The following BRINP3 variants were observed in gnomAD, a reference collection of about 807,000 sequenced individuals.
BRINP3 encodes the protein BMP/retinoic acid inducible neural specific 3, also known as BMP/retinoic acid-inducible neural-specific protein 3.
A neutral mutation model predicts 71.0 loss-of-function variants in BRINP3; 19 were observed. The observed-to-expected ratio is 0.27, with a 90% CI of 0.19 to 0.39. BRINP3 has a LOEUF of 0.39. BRINP3 is among the 10% of genes least tolerant of loss of function. BRINP3 has a pLI of 1.00. For missense variants in BRINP3, 959 were observed against 940.8 expected (o/e 1.02, Z -0.25); for synonymous variants, 380 against 337.7 (o/e 1.13, Z -1.37).
chr1:190,107,053 C>T (rs1312358813), intron 7 of BRINP3, among the ~76,000 whole-genome samples: 1 of 151,812 alleles, frequency 6.6e-6, no homozygotes, highest in Non-Finnish European at 1.5e-5. Context: ...CTTTGTGTCA[C>T]AATTAAAGCA....
chr1:190,352,113 G>C (rs1268009729), intron 2 of BRINP3, among the ~76,000 whole-genome samples: 1 of 151,656 alleles, frequency 6.6e-6, no homozygotes, highest in Non-Finnish European at 1.5e-5. Context: ...TATCAGACTA[G>C]TAATTTAAAA....
chr1:190,334,513 T>A (rs963559447), intron 2 of BRINP3, among the ~76,000 whole-genome samples: 1 of 151,802 alleles, frequency 6.6e-6, no homozygotes. Context: ...GTATTTCCCC[T>A]TATTTGAGGT....
chr1:190,387,843 A>G (rs1671009587), intron 2 of BRINP3, among the ~76,000 whole-genome samples: 2 of 151,614 alleles, frequency 1.3e-5, no homozygotes, highest in African/African-American at 4.8e-5. Flanking sequence ...TTCACTCTAG[A>G]TTTCTTCACT....
At chr1:190,358,290 C>T (rs1044342193) in intron 2 of BRINP3, among the ~76,000 whole-genome samples, 9 of 152,098 alleles carry the variant, frequency 5.9e-5, no homozygotes, top group African/African-American at 2.2e-4. Context: ...CCAGAATCTA[C>T]AATGAACTCA....
chr1:190,435,231 C>T (rs1352290130), intron 2 of BRINP3, among the ~76,000 whole-genome samples: 3 of 152,052 alleles, frequency 2.0e-5, no homozygotes, highest in Non-Finnish European at 4.4e-5. Context: ...TATTCTGATG[C>T]TTGCCTGAAA....
intron 2 of BRINP3, among the ~76,000 whole-genome samples, chr1:190,359,978 A>T (rs1391588704): frequency 1.3e-5 from 2 of 152,136 alleles, no homozygotes; most frequent in African/African-American, 4.8e-5. Flanking sequence ...TTATTAGAAC[A>T]CTAAAAAGCT....
chr1:190,248,704 T>C (rs1468172627), intron 4 of BRINP3, among the ~76,000 whole-genome samples: 1 of 151,636 alleles, frequency 6.6e-6, no homozygotes. Context: ...AGTCTGTGAG[T>C]TTATATGGAG....
chr1:190,226,064 T>A lies in BRINP3; in HGVS notation c.961+18A>T. 1 of 1,461,112 alleles carries A rather than the reference T, an allele frequency of 6.8e-7. No individual in the cohort carries two copies. Among genetic ancestry groups the A allele is most frequent in the Non-Finnish European group, 9.2e-7 (1 of 1,082,412 alleles). The allele number at this position is 1,461,112 out of a possible 1,614,324, so 90.5% of individuals were successfully genotyped here. A position where few individuals can be genotyped will look rare whatever the true frequency, so the allele number is the denominator to read the frequency against. On this transcript the variant is annotated intron_variant, in intron 6 of 7. Coordinates refer to ENST00000367462, the MANE Select transcript of BRINP3 (RefSeq NM_199051.3). ...TTTGTCAATATTTAAAAGTGTTATA[T>A]TAAAATACATGTCTTACCTGATTCC...
At chr1:190,281,349 T>G (rs903686859) in intron 3 of BRINP3, among the ~76,000 whole-genome samples, 3 of 152,020 alleles carry the variant, frequency 2.0e-5, no homozygotes, top group African/African-American at 7.2e-5. Flanking sequence ...TAAATAGCTT[T>G]CATGCAGAAA....
At chr1:190,205,792 C>T (rs931249662) in intron 6 of BRINP3, among the ~76,000 whole-genome samples, 3 of 151,946 alleles carry the variant, frequency 2.0e-5, no homozygotes, top group African/African-American at 7.2e-5. Context: ...AACTCTCAAA[C>T]ATTTTGCTTC....
intron 6 of BRINP3, among the ~76,000 whole-genome samples, chr1:190,191,503 G>A (rs959259809): frequency 5.3e-5 from 8 of 152,020 alleles, no homozygotes; most frequent in Admixed American, 2.0e-4. Context: ...CGAACAAGTG[G>A]TGTTTGATTT....
At chr1:190,273,331 G>T (rs1270500298) in intron 3 of BRINP3, among the ~76,000 whole-genome samples, 3 of 151,410 alleles carry the variant, frequency 2.0e-5, no homozygotes, top group Admixed American at 6.6e-5. Context: ...CATGACATGG[G>T]TTCCAAAGGA....
chr1:190,374,732 A>G (rs920331764), intron 2 of BRINP3, among the ~76,000 whole-genome samples: 3 of 152,006 alleles, frequency 2.0e-5, no homozygotes, highest in Non-Finnish European at 4.4e-5. Flanking sequence ...GCATGAAAAT[A>G]ATGAAAAATG....
intron 2 of BRINP3, among the ~76,000 whole-genome samples, chr1:190,318,897 C>A (rs955259418): frequency 2.6e-5 from 4 of 151,962 alleles, no homozygotes; most frequent in Non-Finnish European, 4.4e-5. Context: ...TAACAAAGCG[C>A]AGATGTAGAT....
At chr1:190,239,031 C>A (rs1333670806) in intron 4 of BRINP3, among the ~76,000 whole-genome samples, 1 of 152,146 alleles carries the variant, frequency 6.6e-6, no homozygotes, top group Admixed American at 6.6e-5. Context: ...CAAGACATGT[C>A]TTACATGGTG....
Position 190,337,171 on chromosome 1 carries a change from AC to A in BRINP3, c.237-55422del, listed in dbSNP as rs527956460. On this transcript the variant is annotated intron_variant, in intron 2 of 7. Transcript: ENST00000367462. ...GTAGATACCTAGATAATCAAAGGAA[AC>A]CCAATTTTCTCTATGTACCCCACTC... 2.5e-4 allele frequency among the ~76,000 whole-genome samples: 38 copies of A among 152,026 alleles called. No individual in the cohort carries two copies. In the South Asian group the frequency reaches 7.9e-3, roughly 32 times the overall value.
In BRINP3 at chr1:190,098,658, G is replaced by A. The variant is rs1175396496; in HGVS notation, c.1661C>T (p.Ser554Phe). The change falls in exon 8 of 8, where the codon TCT becomes TTT. Residue 554 changes from serine to phenylalanine, a missense_variant. Coordinates refer to ENST00000367462, the MANE Select transcript of BRINP3 (RefSeq NM_199051.3). ...SSLVHMILGL[S>F]LQICLTKNST... Reference sequence around the variant, plus strand: ...GTTTTTAGTTAAGCAAATCTGTAAAGAGAGACCCAAAATCATATGGACCAG... The same window carrying A: ...GTTTTTAGTTAAGCAAATCTGTAAAAAGAGACCCAAAATCATATGGACCAG... The A allele has an allele frequency of 1.9e-6, 3 of 1,614,036 alleles. No homozygotes were observed. The highest frequency in any genetic ancestry group is 1.3e-5 in the African/African-American group (1 of 74,914).
intron 7 of BRINP3, among the ~76,000 whole-genome samples, chr1:190,100,899 G>C (rs1206439197): frequency 6.6e-6 from 1 of 152,180 alleles, no homozygotes; most frequent in African/African-American, 2.4e-5. Flanking sequence ...GATATTGTGA[G>C]GTGGTATCTA....
intron 6 of BRINP3, among the ~76,000 whole-genome samples, chr1:190,188,824 G>A (rs774894658): frequency 4.0e-5 from 6 of 151,598 alleles, no homozygotes; most frequent in Non-Finnish European, 5.9e-5. Flanking sequence ...GCAATGGCAC[G>A]ATCTCGGCTC....
Sources: gnomAD v4.1 joint callset for allele counts (sites outside exome capture counted in the v4.1 genomes callset) on GRCh38, gnomAD v4.1.1 for gene constraint, MANE v1.5 for transcripts, NCBI Gene and HGNC (gene_info 2026-07-23, HGNC 2026-07-21) for gene names.